The following IQCM variants were observed in gnomAD, a reference collection of about 807,000 sequenced individuals.
IQCM encodes the protein IQ motif containing M, also known as IQ domain-containing protein M.
Under a neutral mutation model 57.6 loss-of-function variants are expected in IQCM, and 45 were observed. The observed-to-expected ratio is 0.78, with a 90% CI of 0.62 to 1.00. The LOEUF (loss-of-function observed/expected upper bound fraction) is 1.00. Ranked by LOEUF, IQCM falls within the 50% of genes least tolerant of loss-of-function variation. IQCM has a pLI of 0.00. For synonymous variants in IQCM, 148 were observed against 158.9 expected, an observed-to-expected ratio of 0.93 and a Z score of 0.51; for missense variants, 468 against 511.6, an observed-to-expected ratio of 0.91 and a Z score of 0.82.
chr4:149,499,241 G>C (rs1414423114), intron 12 of IQCM, among the ~76,000 whole-genome samples: 1 of 152,054 alleles, frequency 6.6e-6, no homozygotes. Context: ...AATGTCAGGT[G>C]CCAATGCTTA....
intron 8 of IQCM, among the ~76,000 whole-genome samples, chr4:149,611,063 C>G (rs1241090818): frequency 1.3e-5 from 2 of 151,968 alleles, no homozygotes; most frequent in African/African-American, 4.8e-5. Context: ...TCTGAATAGA[C>G]ATTTCTCAGA....
At chr4:149,440,188 A>G (rs542166437) in intron 12 of IQCM, among the ~76,000 whole-genome samples, 229 of 141,774 alleles carry the variant, frequency 1.6e-3, no homozygotes, top group African/African-American at 5.8e-3. Flanking sequence ...GGCTGGTCTC[A>G]AACTCCCAAC....
At chr4:149,748,829 C>T (rs982088976) in intron 2 of IQCM, 5 of 152,068 alleles carry the variant, frequency 3.3e-5, no homozygotes, top group African/African-American at 9.7e-5. Context: ...TAGAATAAAT[C>T]GAAATACTGA....
At chr4:149,798,004 C>T (rs1561285966) in intron 2 of IQCM, among the ~76,000 whole-genome samples, 1 of 151,052 alleles carries the variant, frequency 6.6e-6, no homozygotes, top group Non-Finnish European at 1.5e-5. Flanking sequence ...AGGTACAAAA[C>T]TCACTGGTAA....
intron 13 of IQCM, among the ~76,000 whole-genome samples, chr4:149,395,972 A>G (rs980657090): frequency 2.0e-5 from 3 of 152,122 alleles, no homozygotes; most frequent in Middle Eastern, 3.4e-3. Context: ...CAAATTTACC[A>G]TGCCACAAAT....
intron 12 of IQCM, among the ~76,000 whole-genome samples, chr4:149,511,153 TC>T (rs1172087446): frequency 2.0e-5 from 3 of 152,182 alleles, no homozygotes; most frequent in Non-Finnish European, 4.4e-5. Context: ...TTCCTTTCTC[TC>T]CCTCATCTCT....
chr4:149,584,774 T>A (rs1561022171), intron 9 of IQCM, among the ~76,000 whole-genome samples: 1 of 151,748 alleles, frequency 6.6e-6, no homozygotes, highest in Non-Finnish European at 1.5e-5. Flanking sequence ...GAATTTGAAA[T>A]TTGCTTTTTA....
At chr4:149,412,448 C>A (rs556379625) in intron 13 of IQCM, among the ~76,000 whole-genome samples, 1 of 152,122 alleles carries the variant, frequency 6.6e-6, no homozygotes. Flanking sequence ...TGTGCACTGA[C>A]CAAATTTCAA....
intron 5 of IQCM, among the ~76,000 whole-genome samples, chr4:149,714,445 A>G (rs1159565054): frequency 6.6e-6 from 1 of 152,150 alleles, no homozygotes; most frequent in African/African-American, 2.4e-5. Context: ...CTTTCCCATG[A>G]ACTCCAAATC....
Position 149,747,894 on chromosome 4 carries a change from A to G in IQCM, c.-48-5155T>C, listed in dbSNP as rs1031341816. 1.2e-4 allele frequency among the ~76,000 whole-genome samples: 18 copies of G among 152,330 alleles called. No homozygotes were observed. The South Asian group carries it at 3.5e-3, about 30-fold the overall frequency. On this transcript the variant is annotated intron_variant, in intron 2 of 13. Transcript: ENST00000636793. ...AATAATATAAATGAATCATTAGGAT[A>G]TCACTTTAGCTAACACAAAGCTCAG...
At position 149,598,174 on chromosome 4, in the gene IQCM, GT is replaced by G. The variant is rs760293085; in HGVS notation, c.682-10178del. ...AGAAGGAAAATTATCCAAGAGGTCT[GT>G]GATGCTAGATGTAATGGCAAATAAA... On this transcript the variant is annotated intron_variant, in intron 8 of 13. Transcript: ENST00000636793. Among the ~76,000 whole-genome samples, 3 of 152,150 alleles carry G rather than the reference GT, an allele frequency of 2.0e-5. 1 individual carries two copies. The highest frequency in any genetic ancestry group is 1.9e-4 in the East Asian group (1 of 5,182).
chr4:149,721,956 T>C (rs1399513754), intron 5 of IQCM, among the ~76,000 whole-genome samples: 4 of 152,124 alleles, frequency 2.6e-5, no homozygotes, highest in African/African-American at 9.7e-5. Context: ...CCAACATCTA[T>C]TGTTTTTTGA....
At chr4:149,391,762 AT>A (rs1336963047) in intron 13 of IQCM, among the ~76,000 whole-genome samples, 1 of 151,844 alleles carries the variant, frequency 6.6e-6, no homozygotes, top group Non-Finnish European at 1.5e-5. Context: ...GCTGTTATTT[AT>A]TTTCCACATA....
At chr4:149,634,211 T>C (rs1757531911) in intron 7 of IQCM, among the ~76,000 whole-genome samples, 1 of 152,126 alleles carries the variant, frequency 6.6e-6, no homozygotes, top group Admixed American at 6.5e-5. Flanking sequence ...GGTTTCACCA[T>C]GTTGGCTAGC....
intron 7 of IQCM, among the ~76,000 whole-genome samples, chr4:149,648,892 T>TATAATAAAAA: frequency 6.6e-6 from 1 of 150,476 alleles, no homozygotes; most frequent in Middle Eastern, 3.4e-3. Flanking sequence ...AAACTTAAAG[T>TATAATAAAAA]ATAATAAAAA....
intron 7 of IQCM, among the ~76,000 whole-genome samples, chr4:149,679,885 G>C (rs949698876): frequency 7.3e-5 from 11 of 151,166 alleles, no homozygotes; most frequent in Admixed American, 7.3e-4. Flanking sequence ...GCCTTAACAT[G>C]AACAAAAAAA....
At chr4:149,445,060 T>C (rs1438979876) in intron 12 of IQCM, among the ~76,000 whole-genome samples, 1 of 151,922 alleles carries the variant, frequency 6.6e-6, no homozygotes, top group Non-Finnish European at 1.5e-5. Flanking sequence ...ATAGTTACAA[T>C]ATTCATTATT....
chr4:149,355,138 A>T (rs984390894), intron 13 of IQCM, among the ~76,000 whole-genome samples: 3 of 152,172 alleles, frequency 2.0e-5, no homozygotes, highest in Non-Finnish European at 4.4e-5. Flanking sequence ...TGGCAATTAT[A>T]ATATTATTAT....
intron 9 of IQCM, among the ~76,000 whole-genome samples, chr4:149,574,625 C>G (rs897296111): frequency 6.6e-6 from 1 of 151,836 alleles, no homozygotes; most frequent in South Asian, 2.1e-4. Context: ...TAATCATGTC[C>G]GAACATTACA....
Sources: gnomAD v4.1 joint callset for allele counts (sites outside exome capture counted in the v4.1 genomes callset) on GRCh38, gnomAD v4.1.1 for gene constraint, MANE v1.5 for transcripts, NCBI Gene and HGNC (gene_info 2026-07-23, HGNC 2026-07-21) for gene names.